Variants in ABCA12 observed in about 807,000 individuals in gnomAD.
ABCA12 encodes the protein glucosylceramide transporter ABCA12.
Under a neutral mutation model 293.5 loss-of-function variants are expected in ABCA12, and 156 were observed. That is an observed-to-expected ratio of 0.53 (90% CI 0.47 to 0.61). The LOEUF (loss-of-function observed/expected upper bound fraction) is 0.61, where lower values mean the gene tolerates loss of function less well. ABCA12 is among the 20% of genes least tolerant of loss of function. The pLI, the probability that ABCA12 is intolerant of heterozygous loss-of-function variation, is 0.00. For missense variants in ABCA12, 2,797 were observed against 3,090.2 expected (o/e 0.91, Z 2.25); for synonymous variants, 1,063 against 1,108.0 (o/e 0.96, Z 0.81).
At chr2:214,983,959 C>CTGAGTGTATTTTCTG in intron 28 of ABCA12, 94 bp from the exon 29 acceptor site, 1 of 997,080 alleles carries the variant, frequency 1.0e-6, no homozygotes, top group Non-Finnish European at 1.5e-6. Context: ...GGAAAAAATA[C>CTGAGTGTATTTTCTG]AGTGTATCTT....
In ABCA12 at chr2:214,947,539, A is replaced by G. The variant is rs1176128131; in HGVS notation, c.7122T>C (p.Leu2374=). Residue 2374 remains leucine, a synonymous_variant, in exon 48 of 53, where the codon CTT becomes CTC. Transcript: ENST00000272895. ...KDIKETVHKL[L]RRLHLMPFKD... Reference sequence around the variant, plus strand: ...TGAAGGGCATCAGGTGAAGTCTCCTAAGGAGTTTATGAACAGTCTGTAGGC... The same window carrying G: ...TGAAGGGCATCAGGTGAAGTCTCCTGAGGAGTTTATGAACAGTCTGTAGGC... 9 of 1,613,768 alleles carry G rather than the reference A, an allele frequency of 5.6e-6. No homozygotes were observed. The highest frequency in any genetic ancestry group is 4.5e-5 in the East Asian group (2 of 44,860).
chr2:215,015,932 C>T (rs1022818025), intron 14 of ABCA12, among the ~76,000 whole-genome samples: 1 of 151,596 alleles, frequency 6.6e-6, no homozygotes, highest in Non-Finnish European at 1.5e-5. Context: ...ATCACGAGGT[C>T]AGGAGTTCGA....
chr2:215,026,735 T>C, intron 10 of ABCA12, 85 bp downstream of exon 10: 2 of 1,136,910 alleles, frequency 1.8e-6, no homozygotes, highest in Non-Finnish European at 2.7e-6. Flanking sequence ...TTCTTTCCTG[T>C]GTAAGCAAAT....
At chr2:214,988,261 A>T (rs1259530987) in intron 26 of ABCA12, among the ~76,000 whole-genome samples, 2 of 152,206 alleles carry the variant, frequency 1.3e-5, no homozygotes, top group Non-Finnish European at 2.9e-5. Context: ...ATAATTTCAT[A>T]TCATTTCTCT....
chr2:215,102,511 A>T lies in ABCA12; in HGVS notation c.163+9086T>A, dbSNP rs28716746. ...CTGTTTGGGAGGCTGAGGCAGGAGA[A>T]TTGCTTGAACCCAGGAGGCGGAGGT... On this transcript the variant is annotated intron_variant, in intron 2 of 52. Coordinates refer to ENST00000272895, the MANE Select transcript of ABCA12 (RefSeq NM_173076.3). 4.5e-3 allele frequency among the ~76,000 whole-genome samples: 684 copies of T among 152,282 alleles called. 7 individuals carry two copies. Among genetic ancestry groups the T allele is most frequent in the African/African-American group, 0.016 (655 of 41,556 alleles).
intron 40 of ABCA12, 43 bp downstream of exon 40, chr2:214,958,981 C>G (rs1378159634): frequency 6.4e-7 from 1 of 1,573,382 alleles, no homozygotes; most frequent in African/African-American, 1.4e-5. Context: ...AAAGGCTCAG[C>G]TATGTCAAGG....
chr2:215,083,680 C>T (rs1028620948), intron 2 of ABCA12, among the ~76,000 whole-genome samples: 6 of 152,126 alleles, frequency 3.9e-5, no homozygotes, highest in African/African-American at 1.2e-4. Flanking sequence ...TCTTGGTGCT[C>T]TCTTGGGGAC....
chr2:215,057,523 T>G (rs958090104), intron 3 of ABCA12, among the ~76,000 whole-genome samples: 1 of 152,078 alleles, frequency 6.6e-6, no homozygotes, highest in African/African-American at 2.4e-5. Context: ...TATTTACTAG[T>G]GATATGGAAT....
At chr2:215,130,873 G>A (rs562013925) in intron 1 of ABCA12, among the ~76,000 whole-genome samples, 51 of 151,784 alleles carry the variant, frequency 3.4e-4, no homozygotes, top group Non-Finnish European at 6.5e-4. Flanking sequence ...GTTGGCTGTG[G>A]GTTTGTCATA....
chr2:215,058,087 A>G (rs1436119859), intron 3 of ABCA12, among the ~76,000 whole-genome samples: 4 of 152,028 alleles, frequency 2.6e-5, no homozygotes, highest in African/African-American at 9.7e-5. Flanking sequence ...TGTGTTTGTT[A>G]TAGAGCAATA....
chr2:215,118,812 T>A (rs1702740938), intron 1 of ABCA12, among the ~76,000 whole-genome samples: 1 of 152,196 alleles, frequency 6.6e-6, no homozygotes, highest in African/African-American at 2.4e-5. Flanking sequence ...TGTCATCTTT[T>A]GAGAAGTGTC....
At chr2:214,953,302 G>T (rs1698836064) in intron 44 of ABCA12, among the ~76,000 whole-genome samples, 1 of 152,124 alleles carries the variant, frequency 6.6e-6, no homozygotes, top group South Asian at 2.1e-4. Context: ...TATTAGAAAT[G>T]GTTACCATGA....
intron 15 of ABCA12, among the ~76,000 whole-genome samples, chr2:215,015,043 T>C (rs963572790): frequency 3.9e-5 from 6 of 152,132 alleles, no homozygotes; most frequent in Admixed American, 6.5e-5. Context: ...TCTATCTAAA[T>C]TGATGAAGGA....
At chr2:214,967,457 C>T (rs570138125) in intron 38 of ABCA12, among the ~76,000 whole-genome samples, 2 of 152,180 alleles carry the variant, frequency 1.3e-5, no homozygotes, top group African/African-American at 4.8e-5. Context: ...AAATGGGGCG[C>T]GATTTTACCT....
rs971430266 is a variant in ABCA12, at chr2:214,986,421, T to C, written c.4163+121A>G. 6.8e-6 allele frequency: 7 copies of C among 1,025,480 alleles called. No homozygotes were observed. The African/African-American group carries it at 1.1e-4, about 17-fold the overall frequency. 63.5% of individuals were successfully genotyped at this position (1,025,480 alleles called of 1,614,324 possible). A position where few individuals can be genotyped will look rare whatever the true frequency, so the allele number is the denominator to read the frequency against. On this transcript the variant is annotated intron_variant, in intron 28 of 52. Coordinates refer to ENST00000272895, the MANE Select transcript of ABCA12 (RefSeq NM_173076.3). Reference sequence around the variant, plus strand: ...TCTATAGCATACAAGTTGAACCATCTTCCTCCATCTGGGAAATGTAATAAC... The same window carrying C: ...TCTATAGCATACAAGTTGAACCATCCTCCTCCATCTGGGAAATGTAATAAC...
chr2:214,964,547 A>T (rs565892895), intron 39 of ABCA12, among the ~76,000 whole-genome samples: 2 of 152,318 alleles, frequency 1.3e-5, no homozygotes, highest in African/African-American at 4.8e-5. Context: ...AGACAAAATC[A>T]TTGTGCAAAA....
intron 10 of ABCA12, among the ~76,000 whole-genome samples, chr2:215,026,319 C>T (rs529732081): frequency 1.2e-3 from 180 of 152,292 alleles, no homozygotes; most frequent in African/African-American, 4.1e-3. Context: ...TAAATATAAT[C>T]TTTATGGTTG....
chr2:214,954,146 T>C (rs568787785), intron 43 of ABCA12, 39 bp from the exon 44 acceptor site: 1 of 1,606,840 alleles, frequency 6.2e-7, no homozygotes, highest in South Asian at 1.1e-5. Context: ...CAGTGTTAAG[T>C]TTCCAAAAAG....
chr2:215,017,885 C>T, intron 14 of ABCA12, 123 bp downstream of exon 14: 1 of 1,388,436 alleles, frequency 7.2e-7, no homozygotes, highest in Non-Finnish European at 1.0e-6. Context: ...TTATCACTTG[C>T]ATAGAAAATT....
Sources: gnomAD v4.1 joint callset for allele counts (sites outside exome capture counted in the v4.1 genomes callset) on GRCh38, gnomAD v4.1.1 for gene constraint, MANE v1.5 for transcripts, NCBI Gene and HGNC (gene_info 2026-07-23, HGNC 2026-07-21) for gene names.